The following MS4A8 variants were observed in gnomAD, a reference collection of about 807,000 sequenced individuals.
MS4A8 encodes the protein membrane-spanning 4-domains subfamily A member 8.
In MS4A8, 27 loss-of-function variants were observed where a neutral mutation model predicts 23.7. The ratio of observed to expected loss-of-function variants is 1.14; its 90% CI spans 0.84 to 1.57. The LOEUF (loss-of-function observed/expected upper bound fraction) is 1.57, where lower values mean the gene tolerates loss of function less well. Among genes scored for constraint, MS4A8 ranks in the 40% most tolerant of loss-of-function variants. The pLI is 0.00. For synonymous variants in MS4A8, 138 were observed against 126.3 expected, an observed-to-expected ratio of 1.09 and a Z score of -0.62; for missense variants, 301 against 311.4, an observed-to-expected ratio of 0.97 and a Z score of 0.25.
rs912007173 is a variant in MS4A8, at chr11:60,706,991, A to G, written c.346A>G (p.Ile116Val). 3.7e-6 allele frequency: 6 copies of G among 1,613,982 alleles called. No individual in the cohort carries two copies. The highest frequency in any genetic ancestry group is 4.2e-6 in the Non-Finnish European group (5 of 1,179,956). The change falls in exon 4 of 7, where the codon ATC becomes GTC. Residue 116 changes from isoleucine (I) to valine (V), a missense_variant. Transcript: ENST00000300226. ...AACCCACTCTGTTCTGTACCAGTTT[A>G]TCATTTCAGGATCTCTCTCCGTGGC... ...GFPFWGGLWF[I>V]ISGSLSVAAE...
chr11:60,715,288 C>A (rs368144260), intron 6 of MS4A8, 22 bp from the exon 7 acceptor site: 3 of 1,605,702 alleles, frequency 1.9e-6, no homozygotes, highest in Non-Finnish European at 2.6e-6. Flanking sequence ...TAGCATGCCC[C>A]CTGTGTGCCT....
chr11:60,714,636 T>G (rs2088326700), intron 5 of MS4A8, among the ~76,000 whole-genome samples: 1 of 152,036 alleles, frequency 6.6e-6, no homozygotes, highest in African/African-American at 2.4e-5. Context: ...CTTTTTCCTC[T>G]AACCATCTCC....
intron 2 of MS4A8, chr11:60,701,542 G>A (rs1390774628): frequency 1.5e-5 from 5 of 329,896 alleles, no homozygotes; most frequent in South Asian, 5.0e-5. Flanking sequence ...GACAAAGAAA[G>A]GCCCATTTCA....
At position 60,703,371 on chromosome 11, in the gene MS4A8, C is replaced by T; in HGVS notation, c.220-7C>T. On this transcript the variant is annotated splice_region_variant and splice_polypyrimidine_tract_variant and intron_variant, in intron 2 of 6. Transcript: ENST00000300226. ...AACAAGACTTCAGCTTGTGGCTCTCCTGACAGGCCATCCAGATCATCATTG... is the reference window on the plus strand; with the variant it reads ...AACAAGACTTCAGCTTGTGGCTCTCTTGACAGGCCATCCAGATCATCATTG... The T allele has an allele frequency of 6.4e-7, 1 of 1,552,514 alleles. No individual in the cohort carries two copies. Among genetic ancestry groups the T allele is most frequent in the Non-Finnish European group, 8.7e-7 (1 of 1,150,926 alleles).
Position 60,715,463 on chromosome 11 carries a change from C to T in MS4A8, c.*49C>T. The T allele has an allele frequency of 1.3e-6, 2 of 1,485,876 alleles. No individual in the cohort carries two copies. The highest frequency in any genetic ancestry group is 1.9e-6 in the Non-Finnish European group (2 of 1,071,936). 92.0% of individuals were successfully genotyped at this position (1,485,876 alleles called of 1,614,324 possible). On this transcript the variant is annotated 3_prime_UTR_variant, in exon 7 of 7. Coordinates refer to ENST00000300226, the MANE Select transcript of MS4A8 (RefSeq NM_031457.2). ...TTCACTGGGACCAAAAGAAGTCCTC[C>T]TCCCTTTCTGGGCTTCCATAACCCA...
chr11:60,707,674 T>A (rs973144619), intron 4 of MS4A8, among the ~76,000 whole-genome samples: 4 of 152,170 alleles, frequency 2.6e-5, no homozygotes, highest in Non-Finnish European at 4.4e-5. Context: ...TGGAAGCGTA[T>A]CTTTCTGCAC....
intron 1 of MS4A8, 73 bp from the exon 2 acceptor site, chr11:60,700,787 A>G: frequency 6.8e-7 from 1 of 1,477,286 alleles, no homozygotes; most frequent in Non-Finnish European, 9.4e-7. Flanking sequence ...AATGAGCTAG[A>G]AGAAGCAAAA....
intron 1 of MS4A8, among the ~76,000 whole-genome samples, chr11:60,700,627 T>A (rs997653401): frequency 6.6e-6 from 1 of 152,178 alleles, no homozygotes; most frequent in Non-Finnish European, 1.5e-5. Flanking sequence ...GCCTTTAGCC[T>A]CTTTGAGTCT....
chr11:60,701,996 CTG>C (rs1335635394), intron 2 of MS4A8, among the ~76,000 whole-genome samples: 55 of 152,264 alleles, frequency 3.6e-4, no homozygotes, highest in Non-Finnish European at 4.4e-5. Flanking sequence ...GGGGCAGACA[CTG>C]TGTATAATTT....
intron 6 of MS4A8, 29 bp downstream of exon 6, chr11:60,715,163 A>G: frequency 1.3e-6 from 2 of 1,567,824 alleles, no homozygotes; most frequent in Non-Finnish European, 8.8e-7. Context: ...CAGTGGGTGG[A>G]AAGATGCCCC....
chr11:60,707,067 C>G lies in MS4A8; in HGVS notation c.402+20C>G. On this transcript the variant is annotated intron_variant, in intron 4 of 6. Transcript: ENST00000300226. ...TGCCTGGTAAGTTACATTCTGAGACCAGCTCTTCCAACTGGAGACCTATAG... is the reference window on the plus strand; with the variant it reads ...TGCCTGGTAAGTTACATTCTGAGACGAGCTCTTCCAACTGGAGACCTATAG... 2 of 1,606,712 alleles carry G rather than the reference C, an allele frequency of 1.2e-6. No homozygotes were observed. Among genetic ancestry groups the G allele is most frequent in the Non-Finnish European group, 1.7e-6 (2 of 1,173,282 alleles).
chr11:60,711,222 T>C (rs2088297584), intron 5 of MS4A8, among the ~76,000 whole-genome samples: 1 of 152,228 alleles, frequency 6.6e-6, no homozygotes, highest in Admixed American at 6.5e-5. Flanking sequence ...TTCATAAGCA[T>C]TTGTCAAGGA....
At position 60,715,492 on chromosome 11, in the gene MS4A8, C is replaced by T. The variant is rs1006446488; in HGVS notation, c.*78C>T. On this transcript the variant is annotated 3_prime_UTR_variant, in exon 7 of 7. Transcript: ENST00000300226. ...CTTTCTGGGCTTCCATAACCCAGGT[C>T]GTTCCTGTTCTGACAGCTGAGGAAA... 5.1e-5 allele frequency: 57 copies of T among 1,118,282 alleles called. 1 individual carries two copies. Among genetic ancestry groups the T allele is most frequent in the Non-Finnish European group, 7.5e-5 (57 of 756,406 alleles). The allele number at this position is 1,118,282 out of a possible 1,614,324, so 69.3% of individuals were successfully genotyped here. A position where few individuals can be genotyped will look rare whatever the true frequency, so the allele number is the denominator to read the frequency against.
chr11:60,705,870 G>A (rs753471045), intron 3 of MS4A8, among the ~76,000 whole-genome samples: 1 of 152,298 alleles, frequency 6.6e-6, no homozygotes, highest in East Asian at 1.9e-4. Flanking sequence ...TGAAAACTCC[G>A]CTGGATGATG....
chr11:60,715,459 C>A lies in MS4A8; in HGVS notation c.*45C>A. 1 of 1,499,618 alleles carries A rather than the reference C, an allele frequency of 6.7e-7. No homozygotes were observed. Among genetic ancestry groups the A allele is most frequent in the South Asian group, 1.2e-5 (1 of 86,580 alleles). The allele number at this position is 1,499,618 out of a possible 1,614,324, so 92.9% of individuals were successfully genotyped here. A position where few individuals can be genotyped will look rare whatever the true frequency, so the allele number is the denominator to read the frequency against. On this transcript the variant is annotated 3_prime_UTR_variant, in exon 7 of 7. Coordinates refer to ENST00000300226, the MANE Select transcript of MS4A8 (RefSeq NM_031457.2). The stretch of plus-strand genomic sequence containing the variant: ...ATCTTTCACTGGGACCAAAAGAAGT[C>A]CTCCTCCCTTTCTGGGCTTCCATAA...
At chr11:60,714,832 G>A (rs2088328521) in intron 5 of MS4A8, among the ~76,000 whole-genome samples, 189 bp from the exon 6 acceptor site, 1 of 152,104 alleles carries the variant, frequency 6.6e-6, no homozygotes, top group African/African-American at 2.4e-5. Flanking sequence ...AGTAAATGTT[G>A]CAATAACAAT....
intron 5 of MS4A8, among the ~76,000 whole-genome samples, chr11:60,714,171 G>C (rs1369769799): frequency 6.8e-6 from 1 of 147,146 alleles, no homozygotes; most frequent in East Asian, 1.9e-4. Flanking sequence ...TGATCCACCC[G>C]CCTCGGCCTC....
intron 5 of MS4A8, among the ~76,000 whole-genome samples, chr11:60,709,816 G>A (rs1331920530): frequency 6.6e-6 from 1 of 152,120 alleles, no homozygotes; most frequent in Non-Finnish European, 1.5e-5. Flanking sequence ...GCATGCTTTT[G>A]TTTCTTAAAA....
At chr11:60,711,474 C>A (rs2088299894) in intron 5 of MS4A8, among the ~76,000 whole-genome samples, 1 of 152,174 alleles carries the variant, frequency 6.6e-6, no homozygotes, top group African/African-American at 2.4e-5. Context: ...GGATTAAAGT[C>A]CAAATTCCTC....
Sources: gnomAD v4.1 joint callset for allele counts (sites outside exome capture counted in the v4.1 genomes callset) on GRCh38, gnomAD v4.1.1 for gene constraint, MANE v1.5 for transcripts, NCBI Gene and HGNC (gene_info 2026-07-23, HGNC 2026-07-21) for gene names.